Variants in BCL9 observed in about 807,000 individuals in gnomAD.
BCL9 encodes the protein B-cell CLL/lymphoma 9 protein.
BCL9 carries 25 observed loss-of-function variants against 88.5 expected under a neutral mutation model. The observed-to-expected ratio is 0.28, with a 90% CI of 0.21 to 0.39. The LOEUF (loss-of-function observed/expected upper bound fraction) is 0.39. Among genes scored for constraint, BCL9 ranks in the 10% least tolerant of loss-of-function variants. BCL9 has a pLI of 1.00. For missense variants in BCL9, 1,817 were observed against 1,877.8 expected, an observed-to-expected ratio of 0.97 and a Z score of 0.60; for synonymous variants, 711 against 673.3, an observed-to-expected ratio of 1.06 and a Z score of -0.87.
intron 1 of BCL9, among the ~76,000 whole-genome samples, chr1:147,597,913 T>A (rs1223849420): frequency 6.6e-6 from 1 of 152,248 alleles, no homozygotes; most frequent in African/African-American, 2.4e-5. Context: ...CATGAGGGCT[T>A]AACGCTTAGT....
rs587701436 is a variant in BCL9 at position 147,545,221 on chromosome 1, C to T, written c.-478+3547C>T. ...CCCACATTGTAGCAACAACCTAAACCGGAGCTTGCCAGCTTGCTGTGGTCT... is the reference window on the plus strand; with the variant it reads ...CCCACATTGTAGCAACAACCTAAACTGGAGCTTGCCAGCTTGCTGTGGTCT... On this transcript the variant is annotated intron_variant, in intron 1 of 9. Transcript: ENST00000234739. Among the ~76,000 whole-genome samples, 5 of 152,312 alleles carry T rather than the reference C, an allele frequency of 3.3e-5. No homozygotes were observed. The East Asian group carries it at 5.8e-4, about 18-fold the overall frequency.
At chr1:147,606,312 G>A (rs1553201985) in intron 2 of BCL9, among the ~76,000 whole-genome samples, 1 of 152,186 alleles carries the variant, frequency 6.6e-6, no homozygotes, top group African/African-American at 2.4e-5. Context: ...TGTTCTTGCT[G>A]GATGTAGAGT....
intron 9 of BCL9, among the ~76,000 whole-genome samples, chr1:147,622,951 C>G (rs587674881): frequency 5.6e-4 from 73 of 130,748 alleles, no homozygotes; most frequent in African/African-American, 2.1e-3. Flanking sequence ...TGGAAAGCCC[C>G]TGTTTCCTAG....
intron 1 of BCL9, among the ~76,000 whole-genome samples, chr1:147,563,799 A>G (rs1330406370): frequency 1.3e-5 from 2 of 152,218 alleles, no homozygotes; most frequent in Admixed American, 6.5e-5. Flanking sequence ...ATTAACAACC[A>G]CTACTCATTA....
chr1:147,553,948 C>T (rs1186387868), intron 1 of BCL9, among the ~76,000 whole-genome samples: 3 of 152,104 alleles, frequency 2.0e-5, no homozygotes, highest in Non-Finnish European at 4.4e-5. Flanking sequence ...ACAATTGAAA[C>T]AGCTCATACT....
At chr1:147,614,308 T>C in intron 5 of BCL9, 119 bp from the exon 6 acceptor site, 9 of 948,674 alleles carry the variant, frequency 9.5e-6, no homozygotes, top group Non-Finnish European at 1.4e-5. Flanking sequence ...AGAGGTTTCC[T>C]CTTAGCAAGG....
At position 147,613,208 on chromosome 1, in the gene BCL9, A is replaced by G. The variant is rs781786059; in HGVS notation, c.370+9A>G. ...TGACTCTGACATTAAAGGTATGTCT[A>G]TAAGATCTTTGAGACTCAGAGGGAA... On this transcript the variant is annotated intron_variant, in intron 5 of 9. Coordinates refer to ENST00000234739, the MANE Select transcript of BCL9 (RefSeq NM_004326.4). 20 of 1,613,780 alleles carry G rather than the reference A, an allele frequency of 1.2e-5. No individual in the cohort carries two copies. The highest frequency in any genetic ancestry group is 1.6e-4 in the Middle Eastern group (1 of 6,080).
rs782625813 is a variant in BCL9, at chr1:147,620,941, C to T, written c.2786C>T (p.Pro929Leu). ...CTCAAGTCTCCATCACTTCCTGCCC[C>T]GTCACCTGGATGGACCTCTTCTCCA... ...VHLKSPSLPA[P>L]SPGWTSSPKP... Residue 929 changes from proline (P) to leucine (L), a missense_variant, in exon 8 of 10, where the codon CCG becomes CTG. Physicochemically the swap from Pro to Leu is moderately conservative, Grantham distance 98. Coordinates refer to ENST00000234739, the MANE Select transcript of BCL9 (RefSeq NM_004326.4). The T allele has an allele frequency of 6.2e-6, 10 of 1,614,160 alleles. No homozygotes were observed. Among genetic ancestry groups the T allele is most frequent in the South Asian group, 2.2e-5 (2 of 91,080 alleles).
Position 147,620,038 on chromosome 1 carries a change from C to T in BCL9, c.1883C>T (p.Ser628Phe), listed in dbSNP as rs782357864. 3.1e-6 allele frequency: 5 copies of T among 1,614,178 alleles called. No homozygotes were observed. The highest frequency in any genetic ancestry group is 4.2e-6 in the Non-Finnish European group (5 of 1,180,038). The change falls in exon 8 of 10, where the codon TCT becomes TTT. Residue 628 changes from serine (S) to phenylalanine (F), a missense_variant. Around this residue, in one of 2 missense-constraint regions of BCL9, gnomAD observed 1,228 missense variants for 1,191.6 expected, o/e 1.03. Coordinates refer to ENST00000234739, the MANE Select transcript of BCL9 (RefSeq NM_004326.4). ...GERFPNPQGL[S>F]EEMFQQQLAE... Reference sequence around the variant, plus strand: ...CGCTTCCCAAACCCCCAAGGATTGTCTGAAGAGATGTTTCAGCAGCAGCTG... The same window carrying T: ...CGCTTCCCAAACCCCCAAGGATTGTTTGAAGAGATGTTTCAGCAGCAGCTG...
At chr1:147,545,279 C>A (rs1397511483) in intron 1 of BCL9, among the ~76,000 whole-genome samples, 1 of 152,238 alleles carries the variant, frequency 6.6e-6, no homozygotes, top group South Asian at 2.1e-4. Context: ...GCCTCCTCCT[C>A]TGAGCGGTAT....
At chr1:147,605,653 A>G (rs1411400938) in intron 2 of BCL9, among the ~76,000 whole-genome samples, 2 of 152,208 alleles carry the variant, frequency 1.3e-5, no homozygotes, top group African/African-American at 4.8e-5. Flanking sequence ...CTACATGCCC[A>G]TTGCATAGTT....
At chr1:147,576,726 C>G (rs1157009334) in intron 1 of BCL9, among the ~76,000 whole-genome samples, 2 of 152,134 alleles carry the variant, frequency 1.3e-5, no homozygotes, top group Non-Finnish European at 2.9e-5. Flanking sequence ...AGAAGCCAAG[C>G]TGATAGGTTC....
chr1:147,585,988 G>A (rs1427673441), intron 1 of BCL9, among the ~76,000 whole-genome samples: 1 of 151,986 alleles, frequency 6.6e-6, no homozygotes, highest in Non-Finnish European at 1.5e-5. Context: ...CTCAGCCCAC[G>A]AGTACCACCT....
Position 147,624,450 on chromosome 1 carries a change from C to G in BCL9, c.3772C>G (p.Pro1258Ala). Residue 1258 changes from proline to alanine, a missense_variant, in exon 10 of 10, where the codon CCA becomes GCA. Physicochemically the swap from Pro to Ala is conservative, Grantham distance 27. Around this residue, in one of 2 missense-constraint regions of BCL9, gnomAD observed 589 missense variants for 686.2 expected, o/e 0.86. Transcript: ENST00000234739. The surrounding 1 kb of genome is among the most constrained non-coding windows in gnomAD (Gnocchi z 4.4). ...GCAATATTTCCCTCGAGGGGAAGTT[C>G]CAGGCCGTAAACAGCCCCAGGGTCC... Reference protein sequence around the residue: ...TLQYFPRGEVPGRKQPQGPGP... With the variant: ...TLQYFPRGEVAGRKQPQGPGP... The G allele has an allele frequency of 1.9e-6, 3 of 1,614,230 alleles. No homozygotes were observed. Among genetic ancestry groups the G allele is most frequent in the East Asian group, 2.2e-5 (1 of 44,878 alleles).
chr1:147,553,532 A>G (rs1007140958), intron 1 of BCL9, among the ~76,000 whole-genome samples: 4 of 152,194 alleles, frequency 2.6e-5, no homozygotes, highest in Non-Finnish European at 2.9e-5. Context: ...TCACCTCTGC[A>G]TCTCCAAGAG....
intron 1 of BCL9, among the ~76,000 whole-genome samples, chr1:147,588,894 A>C (rs1304806592): frequency 2.0e-5 from 3 of 152,176 alleles, no homozygotes; most frequent in African/African-American, 7.2e-5. Flanking sequence ...GAACATATTC[A>C]ATCCTTTCCC....
At chr1:147,543,121 CA>C (rs1553193946) in intron 1 of BCL9, among the ~76,000 whole-genome samples, 1 of 152,118 alleles carries the variant, frequency 6.6e-6, no homozygotes, top group East Asian at 1.9e-4. Flanking sequence ...TTCATCTTAA[CA>C]ATTTTTTTTG....
chr1:147,599,838 G>C (rs1198125014), intron 1 of BCL9, among the ~76,000 whole-genome samples: 5 of 151,920 alleles, frequency 3.3e-5, no homozygotes, highest in African/African-American at 1.2e-4. Flanking sequence ...GCTGGGGGCG[G>C]GAGGAGGCCG....
chr1:147,615,699 C>T, intron 6 of BCL9, 104 bp from the exon 7 acceptor site: 4 of 756,740 alleles, frequency 5.3e-6, no homozygotes, highest in South Asian at 4.0e-5. Context: ...CTTTCTATTC[C>T]TTCCTCTCCC....
Sources: gnomAD v4.1 joint callset for allele counts (sites outside exome capture counted in the v4.1 genomes callset) on GRCh38, gnomAD v4.1.1 for gene constraint, gnomAD v4.1.1 regional missense constraint, Gnocchi (gnomAD v3.1) non-coding constraint, MANE v1.5 for transcripts, NCBI Gene and HGNC (gene_info 2026-07-23, HGNC 2026-07-21) for gene names.